NSDHL: variants seen among roughly 807,000 people sequenced by gnomAD.
NSDHL encodes sterol-4-alpha-carboxylate 3-dehydrogenase, decarboxylating.
NSDHL carries 1 observed loss-of-function variant against 23.0 expected under a neutral mutation model. The ratio of observed to expected loss-of-function variants is 0.04; its 90% CI spans 0.02 to 0.21. The LOEUF (loss-of-function observed/expected upper bound fraction) is 0.21, where lower values mean the gene tolerates loss of function less well. Among genes scored for constraint, NSDHL ranks in the 10% least tolerant of loss-of-function variants. The probability of loss-of-function intolerance (pLI) is 1.00; values close to 1 mark genes in which losing one functional copy is unlikely to be tolerated. For missense variants in NSDHL, 237 were observed against 300.9 expected (o/e 0.79, Z 1.57); for synonymous variants, 128 against 121.1 (o/e 1.06, Z -0.37).
At chrX:152,850,234 G>C in intron 2 of NSDHL, 31 bp from the exon 3 acceptor site, 2 of 1,201,810 alleles carry the variant, frequency 1.7e-6, no homozygotes, top group East Asian at 5.9e-5. Flanking sequence ...TCACTACCCT[G>C]GTCTTCCCCA....
Position 152,860,428 on chromosome X carries a change from T to G in NSDHL, c.414+1512T>G, listed in dbSNP as rs987224598. 6.3e-5 allele frequency among the ~76,000 whole-genome samples: 7 copies of G among 111,580 alleles called. No homozygotes were observed. The East Asian group carries it at 1.7e-3, about 27-fold the overall frequency. On this transcript the variant is annotated intron_variant, in intron 4 of 7. Transcript: ENST00000370274. ...GAAGGTTGGGGGCATACAACAAAGA[T>G]TTGTGCCCCAGGTGTGGCGGCTCAC...
At chrX:152,867,341 G>A (rs1045481760) in intron 6 of NSDHL, among the ~76,000 whole-genome samples, 1 of 112,079 alleles carries the variant, frequency 8.9e-6, no homozygotes, top group Admixed American at 9.4e-5. Context: ...GGAATGGGTG[G>A]GCAGGTCCCC....
intron 5 of NSDHL, among the ~76,000 whole-genome samples, chrX:152,864,075 C>G (rs185951404): frequency 1.8e-5 from 2 of 111,736 alleles, no homozygotes; most frequent in Non-Finnish European, 3.8e-5. Context: ...CCATGCCCGG[C>G]TAATTTTTGT....
chrX:152,852,971 A>G (rs939030260), intron 3 of NSDHL, among the ~76,000 whole-genome samples: 1 of 109,946 alleles, frequency 9.1e-6, no homozygotes, highest in African/African-American at 3.3e-5. Context: ...CCTGATCACT[A>G]TCATTTCTAA....
chrX:152,836,722 G>A (rs944163143), intron 1 of NSDHL, among the ~76,000 whole-genome samples: 4 of 112,070 alleles, frequency 3.6e-5, no homozygotes, highest in East Asian at 2.8e-4. Context: ...AGTATAGTTC[G>A]AAGTCAAGTA....
rs1556848617 is a variant in NSDHL at position 152,869,287 on chromosome X, A to C, written c.*171A>C. ...GTGACGATGAGGGCGGCAAAAACAG[A>C]CATTTCTTCCTTCATGGAACTGGAT... On this transcript the variant is annotated 3_prime_UTR_variant, in exon 8 of 8. Transcript: ENST00000370274. 26 of 491,701 alleles carry C rather than the reference A, an allele frequency of 5.3e-5. No homozygotes were observed. 40.5% of individuals were successfully genotyped at this position (491,701 alleles called of 1,213,427 possible).
chrX:152,844,728 T>A (rs1933245205), intron 1 of NSDHL, among the ~76,000 whole-genome samples: 1 of 112,382 alleles, frequency 8.9e-6, no homozygotes, highest in Non-Finnish European at 1.9e-5. Context: ...TGGAGAGCAG[T>A]ATGGGAGCTC....
chrX:152,840,149 C>T (rs782271109), intron 1 of NSDHL, among the ~76,000 whole-genome samples: 2 of 112,230 alleles, frequency 1.8e-5, no homozygotes, highest in South Asian at 3.7e-4. Context: ...TTTTCAGCTC[C>T]GTCAGGGCAT....
At chrX:152,864,408 C>G (rs1164765078) in intron 5 of NSDHL, among the ~76,000 whole-genome samples, 2 of 112,351 alleles carry the variant, frequency 1.8e-5, no homozygotes, top group African/African-American at 6.5e-5. Flanking sequence ...GCCTTGCAGG[C>G]AGTTCAGTCA....
chrX:152,836,217 G>A (rs1933093932), intron 1 of NSDHL, among the ~76,000 whole-genome samples: 1 of 111,617 alleles, frequency 9.0e-6, no homozygotes, highest in Non-Finnish European at 1.9e-5. Context: ...TTGTCAGATG[G>A]GTAGATTGCA....
chrX:152,853,575 G>A (rs140172640), intron 3 of NSDHL, among the ~76,000 whole-genome samples: 1,298 of 111,605 alleles, frequency 0.012, 14 homozygotes, highest in African/African-American at 0.04. Flanking sequence ...GCCTCCAGTG[G>A]CGTCCAGTCC....
At position 152,854,844 on chromosome X, in the gene NSDHL, A is replaced by ACC. The variant is rs782087073; in HGVS notation, c.268-3919_268-3918dup. Among the ~76,000 whole-genome samples, 216 of 105,668 alleles carry ACC rather than the reference A, an allele frequency of 2.0e-3. 2 individuals carry two copies. The highest frequency in any genetic ancestry group is 7.4e-3 in the African/African-American group (211 of 28,687). The allele number at this position is 105,668 out of a possible 115,157, so 91.8% of individuals were successfully genotyped here. A position where few individuals can be genotyped will look rare whatever the true frequency, so the allele number is the denominator to read the frequency against. ...AGACTAACCTGGACTACATAACAAG[A>ACC]CCCCCCCCATTTCTTTTTTTTTAAA... is the stretch of plus-strand genomic sequence containing the variant. On this transcript the variant is annotated intron_variant, in intron 3 of 7. Coordinates refer to ENST00000370274, the MANE Select transcript of NSDHL (RefSeq NM_015922.3).
chrX:152,837,506 A>G (rs1933117849), intron 1 of NSDHL, among the ~76,000 whole-genome samples: 1 of 112,010 alleles, frequency 8.9e-6, no homozygotes, highest in African/African-American at 3.2e-5. Flanking sequence ...TTAGCATGAA[A>G]GGCTGTTGAA....
intron 5 of NSDHL, 62 bp downstream of exon 5, chrX:152,862,786 T>A: frequency 2.8e-6 from 3 of 1,080,932 alleles, no homozygotes; most frequent in Non-Finnish European, 3.9e-6. Flanking sequence ...AAGAAAAATG[T>A]TTATGAACTT....
rs35307183 is a variant in NSDHL at position 152,853,128 on chromosome X, C to CGT, written c.267+2729_267+2730dup. On this transcript the variant is annotated intron_variant, in intron 3 of 7. Transcript: ENST00000370274. ...CTCCAACCCCTAGCTCTCTCAGGCA[C>CGT]GTGTGTGTGTGTGTGTGTGTGTGTG... Among the ~76,000 whole-genome samples the CGT allele has an allele frequency of 1.3e-3, 129 of 97,111 alleles. 1 individual carries two copies. The highest frequency in any genetic ancestry group is 2.8e-3 in the Admixed American group (24 of 8,494). 84.3% of individuals were successfully genotyped at this position (97,111 alleles called of 115,157 possible). A position where few individuals can be genotyped will look rare whatever the true frequency, so the allele number is the denominator to read the frequency against.
Position 152,863,787 on chromosome X carries a change from C to T in NSDHL, c.543+1063C>T, listed in dbSNP as rs182015344. Among the ~76,000 whole-genome samples the T allele has an allele frequency of 3.6e-5, 4 of 112,028 alleles. No individual in the cohort carries two copies. The East Asian group carries it at 1.1e-3, about 32-fold the overall frequency. On this transcript the variant is annotated intron_variant, in intron 5 of 7. Transcript: ENST00000370274. ...GCTGGGTAGCTGTGAGTATACCCCT[C>T]CCAGGTGTGTGCAGTGTATCACACC...
intron 5 of NSDHL, among the ~76,000 whole-genome samples, chrX:152,864,988 A>T (rs1469411566): frequency 8.9e-6 from 1 of 112,570 alleles, no homozygotes; most frequent in Non-Finnish European, 1.9e-5. Flanking sequence ...AGCAACTCAC[A>T]TGGGCCATCT....
At chrX:152,863,811 C>T (rs782158482) in intron 5 of NSDHL, among the ~76,000 whole-genome samples, 5 of 112,218 alleles carry the variant, frequency 4.5e-5, no homozygotes, top group African/African-American at 1.6e-4. Flanking sequence ...GTGTATCACA[C>T]CCACTGAGGT....
At position 152,838,663 on chromosome X, in the gene NSDHL, C is replaced by T. The variant is rs781864743; in HGVS notation, c.-44+7546C>T. Among the ~76,000 whole-genome samples the T allele has an allele frequency of 1.7e-4, 19 of 112,079 alleles. No homozygotes were observed. The South Asian group carries it at 3.7e-3, about 22-fold the overall frequency. On this transcript the variant is annotated intron_variant, in intron 1 of 7. Transcript: ENST00000370274. ...ATTTGATTGCCCTGTGTCTGAGAGA[C>T]GGTTTGTTGTGCTTTCTGTTCTTTT...
Sources: allele counts gnomAD v4.1 joint callset (sites outside exome capture counted in the v4.1 genomes callset), GRCh38; gene constraint gnomAD v4.1.1; transcripts MANE v1.5; gene names NCBI Gene and HGNC (gene_info 2026-07-23, HGNC 2026-07-21).